CNIH1: variants seen among roughly 807,000 people sequenced by gnomAD.
The protein encoded by CNIH1 is protein cornichon homolog 1.
Under a neutral mutation model 20.2 loss-of-function variants are expected in CNIH1, and 12 were observed. The observed-to-expected ratio is 0.59, with a 90% CI of 0.38 to 0.96. The LOEUF is 0.96. CNIH1 is among the 40% of genes least tolerant of loss of function. The probability of loss-of-function intolerance (pLI) is 0.00; values close to 1 mark genes in which losing one functional copy is unlikely to be tolerated. For missense variants in CNIH1, 152 were observed against 178.8 expected (o/e 0.85, Z 0.85); for synonymous variants, 69 against 63.3 (o/e 1.09, Z -0.43).
At position 54,441,329 on chromosome 14, in the gene CNIH1, G is replaced by A; in HGVS notation, c.-2C>T. 1 of 1,503,756 alleles carries A rather than the reference G, an allele frequency of 6.7e-7. No homozygotes were observed. Among genetic ancestry groups the A allele is most frequent in the Non-Finnish European group, 8.9e-7 (1 of 1,119,836 alleles). The allele number at this position is 1,503,756 out of a possible 1,614,324, so 93.2% of individuals were successfully genotyped here. A position where few individuals can be genotyped will look rare whatever the true frequency, so the allele number is the denominator to read the frequency against. On this transcript the variant is annotated 5_prime_UTR_variant, in exon 1 of 5. Transcript: ENST00000216416. Reference sequence around the variant, plus strand: ...GAAGGCCGCGAACGTGAACGCCATGGCTGGGGAGGAGGAGCGGGGAGCGGC... The same window carrying A: ...GAAGGCCGCGAACGTGAACGCCATGACTGGGGAGGAGGAGCGGGGAGCGGC...
chr14:54,440,947 C>A (rs969591530), intron 1 of CNIH1, among the ~76,000 whole-genome samples: 2 of 151,750 alleles, frequency 1.3e-5, no homozygotes, highest in African/African-American at 4.8e-5. Flanking sequence ...GAGGTCGGTG[C>A]GAACGCAGCG....
Position 54,427,650 on chromosome 14 carries a change from C to A in CNIH1, c.*164G>T. ...AGTATAACATATGAAAACAGTCTTT[C>A]CACAAGCAAAAATGTGGAAACATTT... On this transcript the variant is annotated 3_prime_UTR_variant, in exon 5 of 5. Coordinates refer to ENST00000216416, the MANE Select transcript of CNIH1 (RefSeq NM_005776.3). 1 of 680,896 alleles carries A rather than the reference C, an allele frequency of 1.5e-6. No homozygotes were observed. Among genetic ancestry groups the A allele is most frequent in the Non-Finnish European group, 2.5e-6 (1 of 398,828 alleles). 42.2% of individuals were successfully genotyped at this position (680,896 alleles called of 1,614,324 possible).
rs2030785908 is a variant in CNIH1 at position 54,424,408 on chromosome 14, T to C, written c.*3406A>G. 6.6e-6 allele frequency: 1 copy of C among 152,194 alleles called. No individual in the cohort carries two copies. Among genetic ancestry groups the C allele is most frequent in the Admixed American group, 6.5e-5 (1 of 15,282 alleles). 9.4% of individuals were successfully genotyped at this position (152,194 alleles called of 1,614,324 possible). On this transcript the variant is annotated 3_prime_UTR_variant, in exon 5 of 5. Transcript: ENST00000216416. ...ATGGATGTTAAATGACATAAATAAG[T>C]AAACTAGACACATACTTTTAAATAT...
intron 3 of CNIH1, among the ~76,000 whole-genome samples, chr14:54,431,227 G>A (rs193292271): frequency 6.6e-6 from 1 of 151,976 alleles, no homozygotes; most frequent in African/African-American, 2.4e-5. Flanking sequence ...CTCCCAGCCT[G>A]AAGCAATTCT....
intron 4 of CNIH1, among the ~76,000 whole-genome samples, chr14:54,429,982 G>A (rs1197120044): frequency 6.6e-6 from 1 of 152,184 alleles, no homozygotes; most frequent in Non-Finnish European, 1.5e-5. Flanking sequence ...ACTTTGCCAT[G>A]GAGAATGAGG....
At position 54,425,656 on chromosome 14, in the gene CNIH1, G is replaced by C. The variant is rs758751915; in HGVS notation, c.*2158C>G. On this transcript the variant is annotated 3_prime_UTR_variant, in exon 5 of 5. Transcript: ENST00000216416. ...ACATGGTAAAAGTGGGTAGATATTA[G>C]GAGAGCAGGTACTCAATCTTTTAAT... 1 of 152,194 alleles carries C rather than the reference G, an allele frequency of 6.6e-6. No homozygotes were observed. Among genetic ancestry groups the C allele is most frequent in the Non-Finnish European group, 1.5e-5 (1 of 68,022 alleles). The allele number at this position is 152,194 out of a possible 1,614,324, so 9.4% of individuals were successfully genotyped here.
intron 1 of CNIH1, among the ~76,000 whole-genome samples, chr14:54,440,876 C>G (rs575534759): frequency 6.6e-6 from 1 of 152,304 alleles, no homozygotes; most frequent in East Asian, 1.9e-4. Context: ...TTCATTCACA[C>G]TACGGCCGTC....
At chr14:54,428,642 A>G (rs1331609339) in intron 4 of CNIH1, among the ~76,000 whole-genome samples, 1 of 152,200 alleles carries the variant, frequency 6.6e-6, no homozygotes, top group Non-Finnish European at 1.5e-5. Flanking sequence ...CTTTCATTCA[A>G]CAAATACGTA....
chr14:54,441,317 G>A lies in CNIH1; in HGVS notation c.11C>T (p.Thr4Met), dbSNP rs752664587. The change falls in exon 1 of 5, where the codon ACG (threonine) becomes ATG (methionine). Residue 4 changes from threonine (T) to methionine (M), a missense_variant. By Grantham distance (81) the Thr-to-Met change is moderately conservative. Transcript: ENST00000216416. ...CAGCATGTAGCAGAAGGCCGCGAAC[G>A]TGAACGCCATGGCTGGGGAGGAGGA... MAF[T>M]FAAFCYMLAL... The A allele has an allele frequency of 1.5e-5, 22 of 1,513,120 alleles. No individual in the cohort carries two copies. The highest frequency in any genetic ancestry group is 6.2e-5 in the South Asian group (5 of 80,566). 93.7% of individuals were successfully genotyped at this position (1,513,120 alleles called of 1,614,324 possible).
chr14:54,435,599 C>T (rs911675388), intron 2 of CNIH1, among the ~76,000 whole-genome samples: 1 of 152,186 alleles, frequency 6.6e-6, no homozygotes, highest in African/African-American at 2.4e-5. Flanking sequence ...GGCATTGCTG[C>T]GAGATCCCAG....
At chr14:54,438,897 G>T (rs1405740457) in intron 1 of CNIH1, among the ~76,000 whole-genome samples, 1 of 152,130 alleles carries the variant, frequency 6.6e-6, no homozygotes, top group Admixed American at 6.5e-5. Context: ...GGACCCAAGA[G>T]AACTGGCTTG....
intron 2 of CNIH1, chr14:54,436,043 T>C (rs1341162295): frequency 1.7e-5 from 12 of 701,612 alleles, no homozygotes; most frequent in Middle Eastern, 2.3e-4. Flanking sequence ...GAAATGAATA[T>C]AGCATTAAAA....
intron 2 of CNIH1, among the ~76,000 whole-genome samples, chr14:54,434,941 A>G (rs2031026642): frequency 6.6e-6 from 1 of 152,206 alleles, no homozygotes; most frequent in Admixed American, 6.5e-5. Context: ...CTAAAGACAA[A>G]CTAGAAATCT....
rs2030786891 is a variant in CNIH1, at chr14:54,424,460, C to A, written c.*3354G>T. Reference sequence around the variant, plus strand: ...GACCATTATTTGAGTGGGCTTGATACACTGCTAGGATATAACCACACCTAA... The same window carrying A: ...GACCATTATTTGAGTGGGCTTGATAAACTGCTAGGATATAACCACACCTAA... On this transcript the variant is annotated 3_prime_UTR_variant, in exon 5 of 5. Coordinates refer to ENST00000216416, the MANE Select transcript of CNIH1 (RefSeq NM_005776.3). The A allele has an allele frequency of 6.6e-6, 1 of 152,122 alleles. No homozygotes were observed. The highest frequency in any genetic ancestry group is 2.4e-5 in the African/African-American group (1 of 41,434). The allele number at this position is 152,122 out of a possible 1,614,324, so 9.4% of individuals were successfully genotyped here.
rs368505229 is a variant in CNIH1, at chr14:54,431,169, C to G, written c.264-765G>C. On this transcript the variant is annotated intron_variant, in intron 3 of 4. Transcript: ENST00000216416. ...TTTGAGACAGAGTCTTGCTCTGTTG[C>G]CCAGGCTGGAGTGCAGTGACACGAT... Among the ~76,000 whole-genome samples the G allele has an allele frequency of 1.3e-5, 2 of 151,292 alleles. 1 individual carries two copies. Among genetic ancestry groups the G allele is most frequent in the Non-Finnish European group, 2.9e-5 (2 of 67,912 alleles).
chr14:54,439,386 G>A (rs1382074397), intron 1 of CNIH1, among the ~76,000 whole-genome samples: 1 of 151,772 alleles, frequency 6.6e-6, no homozygotes, highest in Non-Finnish European at 1.5e-5. Flanking sequence ...TGCGGTTCAG[G>A]TTTTCCTTAA....
intron 1 of CNIH1, among the ~76,000 whole-genome samples, chr14:54,439,515 T>C (rs1299473297): frequency 6.6e-6 from 1 of 151,768 alleles, no homozygotes; most frequent in African/African-American, 2.4e-5. Context: ...TAAAGCTACA[T>C]CTACAGATGG....
chr14:54,439,258 T>C (rs1223153989), intron 1 of CNIH1, among the ~76,000 whole-genome samples: 1 of 152,180 alleles, frequency 6.6e-6, no homozygotes, highest in Non-Finnish European at 1.5e-5. Context: ...TCCCTAAGCA[T>C]AAAAGCTCTC....
rs2030792076 is a variant in CNIH1, at chr14:54,424,661, C to A, written c.*3153G>T. 1 of 152,164 alleles carries A rather than the reference C, an allele frequency of 6.6e-6. No homozygotes were observed. 9.4% of individuals were successfully genotyped at this position (152,164 alleles called of 1,614,324 possible). On this transcript the variant is annotated 3_prime_UTR_variant, in exon 5 of 5. Coordinates refer to ENST00000216416, the MANE Select transcript of CNIH1 (RefSeq NM_005776.3). ...ATTTCCTTTCTATGTAAATATTTGA[C>A]ATAGCTTCAAAATATATTGATTTGG...
Sources: gnomAD v4.1 joint callset for allele counts (sites outside exome capture counted in the v4.1 genomes callset) on GRCh38, gnomAD v4.1.1 for gene constraint, MANE v1.5 for transcripts, NCBI Gene and HGNC (gene_info 2026-07-23, HGNC 2026-07-21) for gene names.